The following ATP6V1E1 variants were observed in gnomAD, a reference collection of about 807,000 sequenced individuals.
ATP6V1E1 encodes ATPase H+ transporting V1 subunit E1.
In ATP6V1E1, 21 loss-of-function variants were observed where a neutral mutation model predicts 35.2. That is an observed-to-expected ratio of 0.60 (90% CI 0.42 to 0.86). The LOEUF is 0.86. Ranked by LOEUF, ATP6V1E1 falls within the 40% of genes least tolerant of loss-of-function variation. ATP6V1E1 has a pLI of 0.00. For missense variants in ATP6V1E1, 183 were observed against 272.6 expected (o/e 0.67, Z 2.32); for synonymous variants, 83 against 87.8 (o/e 0.95, Z 0.30).
At chr22:17,604,208 T>C (rs2057774507) in intron 4 of ATP6V1E1, among the ~76,000 whole-genome samples, 1 of 151,996 alleles carries the variant, frequency 6.6e-6, no homozygotes, top group African/African-American at 2.4e-5. Flanking sequence ...GCTCCTAACA[T>C]CCCAGTGACA....
At chr22:17,628,494 T>C in intron 1 of ATP6V1E1, 109 bp downstream of exon 1, 2 of 1,469,412 alleles carry the variant, frequency 1.4e-6, no homozygotes. Flanking sequence ...GCAAGGGACC[T>C]TCCTGCGGCA....
chr22:17,623,370 T>C (rs1224565483), intron 1 of ATP6V1E1, among the ~76,000 whole-genome samples: 1 of 152,158 alleles, frequency 6.6e-6, no homozygotes, highest in East Asian at 1.9e-4. Flanking sequence ...ACTGAACTTA[T>C]TCTATCTGGA....
intron 4 of ATP6V1E1, 69 bp from the exon 5 acceptor site, chr22:17,601,250 C>A: frequency 1.6e-6 from 2 of 1,259,270 alleles, no homozygotes; most frequent in Admixed American, 2.0e-5. Flanking sequence ...CACTGTGAGG[C>A]TGATCCTGGC....
intron 1 of ATP6V1E1, among the ~76,000 whole-genome samples, chr22:17,620,935 G>A (rs192266014): frequency 3.2e-4 from 48 of 152,126 alleles, no homozygotes; most frequent in South Asian, 1.2e-3. Flanking sequence ...GGTGGCGGGC[G>A]CCTGTAGTTC....
chr22:17,597,013 G>T (rs199810794), intron 7 of ATP6V1E1, among the ~76,000 whole-genome samples: 1 of 151,848 alleles, frequency 6.6e-6, no homozygotes, highest in South Asian at 2.1e-4. Context: ...GAGGCCGAGC[G>T]GGCAGATCAC....
intron 4 of ATP6V1E1, among the ~76,000 whole-genome samples, chr22:17,604,300 C>T (rs1038016756): frequency 2.0e-5 from 3 of 152,184 alleles, no homozygotes; most frequent in African/African-American, 4.8e-5. Context: ...CAACATGTGT[C>T]TCTCACTGTA....
At chr22:17,626,789 C>T (rs2057908270) in intron 1 of ATP6V1E1, among the ~76,000 whole-genome samples, 1 of 152,090 alleles carries the variant, frequency 6.6e-6, no homozygotes, top group Non-Finnish European at 1.5e-5. Flanking sequence ...CTCGGCCTTC[C>T]AAAGTGCTGG....
chr22:17,619,335 A>G, intron 2 of ATP6V1E1, 126 bp downstream of exon 2: 1 of 845,876 alleles, frequency 1.2e-6, no homozygotes, highest in Non-Finnish European at 1.9e-6. Flanking sequence ...GAAGGAGGGA[A>G]GGAAGAGACA....
chr22:17,628,694 G>A lies in ATP6V1E1; in HGVS notation c.-59C>T, dbSNP rs11544401. 3 of 1,610,992 alleles carry A rather than the reference G, an allele frequency of 1.9e-6. No homozygotes were observed. The highest frequency in any genetic ancestry group is 4.5e-5 in the East Asian group (2 of 44,868). On this transcript the variant is annotated 5_prime_UTR_variant, in exon 1 of 9. Coordinates refer to ENST00000253413, the MANE Select transcript of ATP6V1E1 (RefSeq NM_001696.4). ...CTCGAGTTTAGGTTTGAAAGGTGAG[G>A]TGAGAGAAATCGGCAAAGGGAACCC...
At chr22:17,603,508 A>C (rs1015912815) in intron 4 of ATP6V1E1, among the ~76,000 whole-genome samples, 1 of 152,060 alleles carries the variant, frequency 6.6e-6, no homozygotes, top group African/African-American at 2.4e-5. Context: ...TGTGTTTTTA[A>C]GGCTCAAGAG....
At chr22:17,620,749 G>C (rs1167699598) in intron 1 of ATP6V1E1, among the ~76,000 whole-genome samples, 1 of 149,328 alleles carries the variant, frequency 6.7e-6, no homozygotes, top group Non-Finnish European at 1.5e-5. Flanking sequence ...CAATCACCAA[G>C]TTCTATTAAT....
chr22:17,604,722 T>A (rs1161930574), intron 4 of ATP6V1E1, among the ~76,000 whole-genome samples: 1 of 151,912 alleles, frequency 6.6e-6, no homozygotes, highest in Non-Finnish European at 1.5e-5. Context: ...CTTCACCATG[T>A]TGATCAGGCT....
At chr22:17,625,550 G>A (rs1015518220) in intron 1 of ATP6V1E1, among the ~76,000 whole-genome samples, 3 of 135,900 alleles carry the variant, frequency 2.2e-5, no homozygotes, top group African/African-American at 7.5e-5. Flanking sequence ...CAAAGTGCTG[G>A]GATTACAGGC....
chr22:17,613,399 C>T, intron 2 of ATP6V1E1, 79 bp from the exon 3 acceptor site: 1 of 1,142,016 alleles, frequency 8.8e-7, no homozygotes, highest in Non-Finnish European at 1.3e-6. Flanking sequence ...ACCTGCGTTA[C>T]TTGCTTATGA....
chr22:17,613,398 ACTTG>A lies in ATP6V1E1; in HGVS notation c.100-82_100-79del, dbSNP rs959927789. 3.0e-5 allele frequency: 35 copies of A among 1,156,894 alleles called. No individual in the cohort carries two copies. In the African/African-American group the frequency reaches 5.2e-4, roughly 17 times the overall value. 71.7% of individuals were successfully genotyped at this position (1,156,894 alleles called of 1,614,324 possible). A position where few individuals can be genotyped will look rare whatever the true frequency, so the allele number is the denominator to read the frequency against. On this transcript the variant is annotated intron_variant, in intron 2 of 8. Transcript: ENST00000253413. ...TTTTAAACAGCTGGTGACCTGCGTTACTTGCTTATGAACACTAATTTCATATATA... is the reference window on the plus strand; with the variant it reads ...TTTTAAACAGCTGGTGACCTGCGTTACTTATGAACACTAATTTCATATATA...
chr22:17,613,604 T>G (rs2057826317), intron 2 of ATP6V1E1, among the ~76,000 whole-genome samples: 1 of 149,020 alleles, frequency 6.7e-6, no homozygotes, highest in African/African-American at 2.4e-5. Flanking sequence ...TGAAAAAAAT[T>G]ACCACACGTT....
At chr22:17,598,400 C>A in intron 6 of ATP6V1E1, 112 bp from the exon 7 acceptor site, 1 of 831,544 alleles carries the variant, frequency 1.2e-6, no homozygotes, top group South Asian at 1.6e-5. Flanking sequence ...GGTAAAAGAA[C>A]AGAGGCACCG....
chr22:17,617,379 C>T (rs943231253), intron 2 of ATP6V1E1, among the ~76,000 whole-genome samples: 2 of 151,950 alleles, frequency 1.3e-5, no homozygotes, highest in East Asian at 1.9e-4. Flanking sequence ...CTGCAACCTC[C>T]ACCTCCCGGG....
rs1049939639 is a variant in ATP6V1E1, at chr22:17,593,052, T to G, written c.619-316A>C. On this transcript the variant is annotated intron_variant, in intron 8 of 8. Coordinates refer to ENST00000253413, the MANE Select transcript of ATP6V1E1 (RefSeq NM_001696.4). Reference sequence around the variant, plus strand: ...ATCCACCCGCCTCGGCCTCCCACAGTGCTGGGATTACAGGCGTGAGCCACC... The same window carrying G: ...ATCCACCCGCCTCGGCCTCCCACAGGGCTGGGATTACAGGCGTGAGCCACC... 2.0e-5 allele frequency among the ~76,000 whole-genome samples: 3 copies of G among 152,032 alleles called. No homozygotes were observed. In the East Asian group the frequency reaches 5.8e-4, roughly 29 times the overall value.
Sources: allele counts gnomAD v4.1 joint callset (sites outside exome capture counted in the v4.1 genomes callset), GRCh38; gene constraint gnomAD v4.1.1; transcripts MANE v1.5; gene names NCBI Gene and HGNC (gene_info 2026-07-23, HGNC 2026-07-21).